The following DSTN variants were observed in gnomAD, a reference collection of about 807,000 sequenced individuals.
The protein encoded by DSTN is destrin.
A neutral mutation model predicts 16.8 loss-of-function variants in DSTN; 10 were observed. The ratio of observed to expected loss-of-function variants is 0.60; its 90% CI spans 0.37 to 1.01. DSTN has a LOEUF of 1.01. Ranked by LOEUF, DSTN falls within the 50% of genes least tolerant of loss-of-function variation. The pLI is 0.01. For synonymous variants in DSTN, 57 were observed against 58.9 expected (o/e 0.97, Z 0.14); for missense variants, 141 against 196.7 (o/e 0.72, Z 1.69).
chr20:17,584,567 G>A (rs1339773457), intron 1 of DSTN, among the ~76,000 whole-genome samples: 3 of 151,354 alleles, frequency 2.0e-5, no homozygotes, highest in Non-Finnish European at 4.4e-5. Flanking sequence ...CAGGAGAGTC[G>A]CTTGAACCCA....
chr20:17,571,541 CTAAT>C (rs2035207457), intron 1 of DSTN, among the ~76,000 whole-genome samples: 1 of 152,122 alleles, frequency 6.6e-6, no homozygotes, highest in Non-Finnish European at 1.5e-5. Context: ...TTTTTAATAT[CTAAT>C]TATTAGAAAT....
intron 1 of DSTN, among the ~76,000 whole-genome samples, chr20:17,591,118 C>G (rs761580181): frequency 6.6e-6 from 1 of 152,152 alleles, no homozygotes; most frequent in Non-Finnish European, 1.5e-5. Context: ...CCTTCCCCCC[C>G]AGAAAAACCA....
At chr20:17,606,049 A>G (rs1421414739) in intron 3 of DSTN, among the ~76,000 whole-genome samples, 2 of 152,142 alleles carry the variant, frequency 1.3e-5, no homozygotes, top group South Asian at 2.1e-4. Context: ...CAGAGGTTGC[A>G]GTGAGCTGAG....
intron 1 of DSTN, chr20:17,599,804 A>G (rs769637186): frequency 6.6e-6 from 1 of 152,242 alleles, no homozygotes; most frequent in East Asian, 1.9e-4. Flanking sequence ...TTGATTGTCT[A>G]CATTCTTCCC....
chr20:17,574,850 TTTTTC>T lies in DSTN; in HGVS notation c.3+4654_3+4658del, dbSNP rs1248783082. On this transcript the variant is annotated intron_variant, in intron 1 of 3. Coordinates refer to ENST00000246069, the MANE Select transcript of DSTN (RefSeq NM_006870.4). ...TTTCCTTTCTTTTTTCTTTCTTTTCTTTTTCTTTTCTTTTCTTTTGTTTTTTTTTT... is the reference window on the plus strand; with the variant it reads ...TTTCCTTTCTTTTTTCTTTCTTTTCTTTTTCTTTTCTTTTGTTTTTTTTTT... 3.0e-3 allele frequency among the ~76,000 whole-genome samples: 375 copies of T among 126,878 alleles called. 4 individuals carry two copies. The highest frequency in any genetic ancestry group is 0.012 in the African/African-American group (345 of 29,772). 83.2% of individuals were successfully genotyped at this position (126,878 alleles called of 152,430 possible).
chr20:17,597,831 C>T (rs904423187), intron 1 of DSTN, among the ~76,000 whole-genome samples: 1 of 152,312 alleles, frequency 6.6e-6, no homozygotes, highest in East Asian at 1.9e-4. Flanking sequence ...AACCCATACT[C>T]ATTAGCAGTC....
chr20:17,597,478 A>G (rs2035538712), intron 1 of DSTN, among the ~76,000 whole-genome samples: 1 of 152,184 alleles, frequency 6.6e-6, no homozygotes, highest in African/African-American at 2.4e-5. Context: ...ATTTGTTTGT[A>G]TAAATGTATG....
chr20:17,585,648 T>A (rs557501164), intron 1 of DSTN, among the ~76,000 whole-genome samples: 1 of 152,246 alleles, frequency 6.6e-6, no homozygotes, highest in African/African-American at 2.4e-5. Flanking sequence ...CACACACATA[T>A]ATACACACAC....
At position 17,583,735 on chromosome 20, in the gene DSTN, C is replaced by CTTTTTTTTTTTTTTTTTTTTTTTTTTTT. The variant is rs71192397; in HGVS notation, c.3+13547_3+13548insTTTTTTTTTTTTTTTTTTTTTTTTTTTT. On this transcript the variant is annotated intron_variant, in intron 1 of 3. Coordinates refer to ENST00000246069, the MANE Select transcript of DSTN (RefSeq NM_006870.4). ...ATGACTGCTAATGGGTTTGGAGTTT[C>CTTTTTTTTTTTTTTTTTTTTTTTTTTTT]TTTTTTTTTTTTTTTTTTTTTTTGA... Among the ~76,000 whole-genome samples the CTTTTTTTTTTTTTTTTTTTTTTTTTTTT allele has an allele frequency of 5.5e-5, 4 of 72,492 alleles. 1 individual carries two copies. Among genetic ancestry groups the CTTTTTTTTTTTTTTTTTTTTTTTTTTTT allele is most frequent in the African/African-American group, 2.2e-4 (4 of 18,394 alleles). 47.6% of individuals were successfully genotyped at this position (72,492 alleles called of 152,430 possible).
At chr20:17,587,202 T>TAAA (rs11477352) in intron 1 of DSTN, among the ~76,000 whole-genome samples, 5 of 137,030 alleles carry the variant, frequency 3.6e-5, no homozygotes, top group African/African-American at 1.3e-4. Context: ...TCTCAAGGAA[T>TAAA]AAAAAAAAAA....
intron 3 of DSTN, 100 bp downstream of exon 3, chr20:17,604,731 G>T: frequency 4.8e-6 from 5 of 1,035,186 alleles, no homozygotes; most frequent in South Asian, 1.6e-5. Context: ...GCAGAGCTTC[G>T]GGCACAAGGG....
intron 1 of DSTN, among the ~76,000 whole-genome samples, chr20:17,576,898 C>T (rs1485862500): frequency 6.6e-6 from 1 of 152,192 alleles, no homozygotes; most frequent in East Asian, 1.9e-4. Flanking sequence ...CACAACTTTT[C>T]TGTTGCTATT....
intron 1 of DSTN, among the ~76,000 whole-genome samples, chr20:17,597,068 T>G (rs2035534117): frequency 6.6e-6 from 1 of 152,244 alleles, no homozygotes; most frequent in African/African-American, 2.4e-5. Context: ...CTGTTTCTAG[T>G]TCTTCAATTT....
chr20:17,570,110 G>T lies in DSTN; in HGVS notation c.-99G>T, dbSNP rs999267989. On this transcript the variant is annotated 5_prime_UTR_variant, in exon 1 of 4. Coordinates refer to ENST00000246069, the MANE Select transcript of DSTN (RefSeq NM_006870.4). ...AAGCTCGCGCCGCCGCGTCAGCTCA[G>T]CGCTGGGTCTCTCGGTCCCGCAGCC... 13 of 1,495,574 alleles carry T rather than the reference G, an allele frequency of 8.7e-6. No homozygotes were observed. The highest frequency in any genetic ancestry group is 8.4e-5 in the Admixed American group (4 of 47,744). The allele number at this position is 1,495,574 out of a possible 1,614,324, so 92.6% of individuals were successfully genotyped here.
chr20:17,582,186 C>T (rs1314064790), intron 1 of DSTN, among the ~76,000 whole-genome samples: 4 of 149,786 alleles, frequency 2.7e-5, no homozygotes, highest in Non-Finnish European at 5.9e-5. Context: ...TCAAGCGATT[C>T]TCCTGCCTCA....
intron 1 of DSTN, among the ~76,000 whole-genome samples, chr20:17,574,963 C>T (rs2035261677): frequency 7.4e-6 from 1 of 134,894 alleles, no homozygotes; most frequent in South Asian, 2.5e-4. Context: ...CTCAAATGAT[C>T]CTCCCACCTC....
At chr20:17,583,800 G>T (rs1471350964) in intron 1 of DSTN, among the ~76,000 whole-genome samples, 1 of 138,310 alleles carries the variant, frequency 7.2e-6, no homozygotes, top group African/African-American at 2.7e-5. Flanking sequence ...GCAGTGGCAT[G>T]AGCATAGCTC....
At position 17,583,735 on chromosome 20, in the gene DSTN, CTTTTTTTTTTT is replaced by C. The variant is rs71192397; in HGVS notation, c.3+13537_3+13547del. On this transcript the variant is annotated intron_variant, in intron 1 of 3. Transcript: ENST00000246069. ...ATGACTGCTAATGGGTTTGGAGTTT[CTTTTTTTTTTT>C]TTTTTTTTTTTTGAGACAAGGTCTC... Among the ~76,000 whole-genome samples, 150 of 72,502 alleles carry C rather than the reference CTTTTTTTTTTT, an allele frequency of 2.1e-3. 7 individuals carry two copies. In the East Asian group the frequency reaches 0.061, roughly 30 times the overall value. The allele number at this position is 72,502 out of a possible 152,430, so 47.6% of individuals were successfully genotyped here.
At chr20:17,601,846 T>C (rs1315432327) in intron 2 of DSTN, among the ~76,000 whole-genome samples, 2 of 152,226 alleles carry the variant, frequency 1.3e-5, no homozygotes, top group Non-Finnish European at 2.9e-5. Flanking sequence ...CCCTCATTTA[T>C]TGAATATTAT....
Sources: gnomAD v4.1 joint callset for allele counts (sites outside exome capture counted in the v4.1 genomes callset) on GRCh38, gnomAD v4.1.1 for gene constraint, MANE v1.5 for transcripts, NCBI Gene and HGNC (gene_info 2026-07-23, HGNC 2026-07-21) for gene names.